Variants in ELMO1 observed in about 807,000 individuals in gnomAD.
The protein encoded by ELMO1 is engulfment and cell motility protein 1.
ELMO1 carries 26 observed loss-of-function variants against 98.9 expected under a neutral mutation model. The observed-to-expected ratio is 0.26, with a 90% CI of 0.19 to 0.36. The LOEUF is 0.36. ELMO1 is among the 10% of genes least tolerant of loss of function. The probability of loss-of-function intolerance (pLI) is 1.00; values close to 1 mark genes in which losing one functional copy is unlikely to be tolerated. For synonymous variants in ELMO1, 346 were observed against 346.0 expected, an observed-to-expected ratio of 1.00 and a Z score of 0.00; for missense variants, 627 against 935.2, an observed-to-expected ratio of 0.67 and a Z score of 4.30.
intron 1 of ELMO1, among the ~76,000 whole-genome samples, chr7:37,414,767 C>T (rs969684594): frequency 4.6e-5 from 7 of 152,234 alleles, no homozygotes; most frequent in African/African-American, 9.6e-5. Context: ...CAAAGTCATT[C>T]TACCTGCTGC....
At chr7:37,362,451 C>T (rs1490019857) in intron 1 of ELMO1, among the ~76,000 whole-genome samples, 3 of 152,128 alleles carry the variant, frequency 2.0e-5, no homozygotes, top group Non-Finnish European at 2.9e-5. Flanking sequence ...TGCTTGGACC[C>T]ACGACAGAGT....
intron 5 of ELMO1, among the ~76,000 whole-genome samples, chr7:37,266,415 C>T (rs1287743644): frequency 3.3e-5 from 5 of 152,106 alleles, no homozygotes; most frequent in African/African-American, 4.8e-5. Flanking sequence ...ATGCTGATAC[C>T]GGCTCCCTAA....
intron 2 of ELMO1, among the ~76,000 whole-genome samples, chr7:37,327,008 T>C (rs1440713261): frequency 6.6e-6 from 1 of 152,258 alleles, no homozygotes; most frequent in African/African-American, 2.4e-5. Flanking sequence ...TACATATCAA[T>C]GTTGCTATGG....
chr7:37,138,391 A>G (rs896572235), intron 13 of ELMO1, among the ~76,000 whole-genome samples: 3 of 152,180 alleles, frequency 2.0e-5, no homozygotes, highest in Non-Finnish European at 2.9e-5. Flanking sequence ...AATGGGAGAT[A>G]TTACAACTGA....
chr7:37,448,138 A>G (rs977562564), intron 1 of ELMO1, among the ~76,000 whole-genome samples: 29 of 139,450 alleles, frequency 2.1e-4, no homozygotes, highest in Non-Finnish European at 3.5e-4. Flanking sequence ...GCCCCCTCCC[A>G]CGAGCGCGCT....
chr7:37,381,412 G>C (rs989089187), intron 1 of ELMO1, among the ~76,000 whole-genome samples: 2 of 152,168 alleles, frequency 1.3e-5, no homozygotes, highest in African/African-American at 4.8e-5. Flanking sequence ...GGCAGAGTTT[G>C]AGAAGCAGAA....
intron 16 of ELMO1, among the ~76,000 whole-genome samples, chr7:36,936,792 T>C (rs1367977202): frequency 6.6e-6 from 1 of 152,242 alleles, no homozygotes; most frequent in Non-Finnish European, 1.5e-5. Context: ...TGGTTTTCTG[T>C]TGCTTACAAA....
chr7:37,123,780 C>G (rs1786278763), intron 14 of ELMO1, among the ~76,000 whole-genome samples: 1 of 152,216 alleles, frequency 6.6e-6, no homozygotes, highest in South Asian at 2.1e-4. Context: ...CTCCCTATCT[C>G]ATTTCATGAG....
chr7:37,368,299 G>C (rs978898851), intron 1 of ELMO1, among the ~76,000 whole-genome samples: 1 of 152,148 alleles, frequency 6.6e-6, no homozygotes, highest in South Asian at 2.1e-4. Flanking sequence ...ATATATTAAA[G>C]TGATTAGCAT....
chr7:36,972,324 G>A (rs1387073545), intron 16 of ELMO1, among the ~76,000 whole-genome samples: 1 of 152,200 alleles, frequency 6.6e-6, no homozygotes, highest in Non-Finnish European at 1.5e-5. Context: ...TCAAAACACA[G>A]CTAGAAGAAA....
chr7:36,983,016 T>C (rs533026859), intron 16 of ELMO1, among the ~76,000 whole-genome samples: 2 of 152,342 alleles, frequency 1.3e-5, no homozygotes, highest in African/African-American at 4.8e-5. Context: ...CCTACAGCCA[T>C]TGCAGTTCAT....
At chr7:37,148,721 T>A (rs1261140681) in intron 13 of ELMO1, among the ~76,000 whole-genome samples, 1 of 152,212 alleles carries the variant, frequency 6.6e-6, no homozygotes, top group African/African-American at 2.4e-5. Flanking sequence ...GCTGAGTGCA[T>A]GGGGGATTTG....
upstream of ELMO1, chr7:37,449,118 C>T (rs1389275761): frequency 6.6e-6 from 1 of 152,324 alleles, no homozygotes; most frequent in African/African-American, 2.4e-5. Context: ...GGGATGCCCA[C>T]GACTTTTTGA....
intron 13 of ELMO1, among the ~76,000 whole-genome samples, chr7:37,164,519 G>A (rs1279322017): frequency 6.6e-6 from 1 of 152,182 alleles, no homozygotes; most frequent in African/African-American, 2.4e-5. Context: ...TTTGTACAAG[G>A]TGTAAGGAAG....
At chr7:36,970,018 T>C (rs1744294377) in intron 16 of ELMO1, among the ~76,000 whole-genome samples, 2 of 152,114 alleles carry the variant, frequency 1.3e-5, no homozygotes, top group African/African-American at 2.4e-5. Flanking sequence ...AGTAAAAATA[T>C]GTACTAAAGA....
intron 14 of ELMO1, among the ~76,000 whole-genome samples, chr7:37,112,822 T>C (rs1188984960): frequency 6.6e-6 from 1 of 152,158 alleles, no homozygotes; most frequent in African/African-American, 2.4e-5. Context: ...GTGCACCAGG[T>C]GTACAGCATA....
chr7:37,267,011 TA>T (rs1217111170), intron 5 of ELMO1, among the ~76,000 whole-genome samples: 848 of 67,778 alleles, frequency 0.013, 42 homozygotes, highest in African/African-American at 0.039. Flanking sequence ...AGACTCCATC[TA>T]AAAAAAAAAA....
chr7:37,087,977 G>C (rs937510876), intron 15 of ELMO1, among the ~76,000 whole-genome samples: 10 of 152,176 alleles, frequency 6.6e-5, no homozygotes, highest in African/African-American at 2.4e-4. Flanking sequence ...AACGATGCTT[G>C]AGATGAACCA....
At chr7:37,395,886 C>T (rs1803281248) in intron 1 of ELMO1, among the ~76,000 whole-genome samples, 1 of 152,192 alleles carries the variant, frequency 6.6e-6, no homozygotes, top group African/African-American at 2.4e-5. Flanking sequence ...ATTTTGTACA[C>T]TTTATTTTTG....
Sources: gnomAD v4.1 joint callset for allele counts (sites outside exome capture counted in the v4.1 genomes callset) on GRCh38, gnomAD v4.1.1 for gene constraint, MANE v1.5 for transcripts, NCBI Gene and HGNC (gene_info 2026-07-23, HGNC 2026-07-21) for gene names.